Variants in RBFOX1 observed in about 807,000 individuals in gnomAD.
RBFOX1 encodes the protein RNA binding protein fox-1 homolog 1.
RBFOX1 carries 8 observed loss-of-function variants against 57.7 expected under a neutral mutation model. That is an observed-to-expected ratio of 0.14 (90% CI 0.08 to 0.25). The LOEUF is 0.25. Among genes scored for constraint, RBFOX1 ranks in the 10% least tolerant of loss-of-function variants. RBFOX1 has a pLI of 1.00. For synonymous variants in RBFOX1, 326 were observed against 222.4 expected, an observed-to-expected ratio of 1.47 and a Z score of -4.15; for missense variants, 611 against 548.5, an observed-to-expected ratio of 1.11 and a Z score of -1.14.
chr16:6,473,248 C>T (rs183207620), intron 2 of RBFOX1, among the ~76,000 whole-genome samples: 31 of 152,234 alleles, frequency 2.0e-4, no homozygotes, highest in African/African-American at 4.3e-4. Flanking sequence ...GATCACCCTC[C>T]GAGGCTTTTT....
At chr16:7,196,367 C>A (rs192270385) in intron 4 of RBFOX1, among the ~76,000 whole-genome samples, 1 of 152,130 alleles carries the variant, frequency 6.6e-6, no homozygotes, top group South Asian at 2.1e-4. Context: ...TGCTTCACTC[C>A]CCCTCTCCCC....
chr16:7,625,433 C>T (rs1446156340), intron 10 of RBFOX1, among the ~76,000 whole-genome samples: 3 of 152,138 alleles, frequency 2.0e-5, no homozygotes, highest in Non-Finnish European at 4.4e-5. Flanking sequence ...AAAATAATTT[C>T]TTAATAACTC....
intron 4 of RBFOX1, among the ~76,000 whole-genome samples, chr16:7,213,365 G>T (rs991929167): frequency 6.6e-6 from 1 of 152,176 alleles, no homozygotes; most frequent in Admixed American, 6.5e-5. Flanking sequence ...ACGGGACTCA[G>T]TGATCAGTAT....
chr16:7,115,433 T>C (rs1419571465), intron 4 of RBFOX1, among the ~76,000 whole-genome samples: 2 of 152,222 alleles, frequency 1.3e-5, no homozygotes, highest in Non-Finnish European at 2.9e-5. Context: ...TGCTATGTAA[T>C]TACCACCTCA....
intron 4 of RBFOX1, among the ~76,000 whole-genome samples, chr16:7,487,534 A>G (rs1300618934): frequency 6.6e-6 from 1 of 152,186 alleles, no homozygotes; most frequent in Non-Finnish European, 1.5e-5. Context: ...ACATTCCTTA[A>G]AGTGGGAATG....
intron 3 of RBFOX1, among the ~76,000 whole-genome samples, chr16:5,856,179 C>CTA (rs1404470500): frequency 1.9e-3 from 104 of 54,388 alleles, no homozygotes; most frequent in African/African-American, 5.1e-3. Flanking sequence ...CTCTCTCTCT[C>CTA]TCTCTCTCTA....
chr16:7,284,170 T>A (rs1004119710), intron 4 of RBFOX1, among the ~76,000 whole-genome samples: 1 of 152,256 alleles, frequency 6.6e-6, no homozygotes, highest in Non-Finnish European at 1.5e-5. Flanking sequence ...TATAGTTTAT[T>A]CACTAGTTGA....
chr16:5,599,285 G>C (rs1032485737), exon 3 of RBFOX1: 2 of 641,860 alleles, frequency 3.1e-6, no homozygotes, highest in African/African-American at 1.8e-5. Flanking sequence ...GCCCTGGTGT[G>C]ACGGCCCCAG....
At chr16:5,303,693 G>A (rs938762) in intron 1 of RBFOX1, among the ~76,000 whole-genome samples, 133,591 of 151,914 alleles carry the variant, frequency 0.88, 58,809 homozygotes, top group African/African-American at 0.9. Flanking sequence ...TTGAATTATT[G>A]TTCACTCCAT....
At chr16:5,664,767 A>C (rs1279479989) in intron 3 of RBFOX1, among the ~76,000 whole-genome samples, 1 of 152,078 alleles carries the variant, frequency 6.6e-6, no homozygotes, top group Admixed American at 6.6e-5. Context: ...GCTTTTTCCA[A>C]ATTCCTGGGA....
intron 3 of RBFOX1, among the ~76,000 whole-genome samples, chr16:7,020,645 G>A (rs558480962): frequency 1.3e-5 from 2 of 152,306 alleles, no homozygotes; most frequent in African/African-American, 4.8e-5. Flanking sequence ...TGATGAACTT[G>A]TATTAACAGA....
intron 13 of RBFOX1, among the ~76,000 whole-genome samples, chr16:7,666,693 A>C (rs576947757): frequency 1.7e-4 from 26 of 152,220 alleles, no homozygotes; most frequent in Admixed American, 4.6e-4. Context: ...TGCATCAGAG[A>C]ATCCACAGAG....
intron 3 of RBFOX1, among the ~76,000 whole-genome samples, chr16:6,829,208 A>G (rs1406368385): frequency 6.6e-6 from 1 of 151,566 alleles, no homozygotes. Context: ...TTGACCCAAA[A>G]GAAAAGCATT....
intron 3 of RBFOX1, among the ~76,000 whole-genome samples, chr16:6,717,505 G>A (rs2065061373): frequency 6.6e-6 from 1 of 151,984 alleles, no homozygotes; most frequent in East Asian, 1.9e-4. Flanking sequence ...AGGTTTAGAA[G>A]CAGAGATTTA....
intron 6 of RBFOX1, among the ~76,000 whole-genome samples, chr16:7,585,171 G>T (rs552982219): frequency 1.1e-3 from 162 of 152,268 alleles, no homozygotes; most frequent in African/African-American, 3.7e-3. Context: ...ATATTCAAGG[G>T]TGGTTGGTAT....
At chr16:7,236,447 G>T (rs1193109837) in intron 4 of RBFOX1, among the ~76,000 whole-genome samples, 1 of 152,106 alleles carries the variant, frequency 6.6e-6, no homozygotes, top group Admixed American at 6.5e-5. Context: ...CCTCTCCGCT[G>T]TCATGCAATC....
chr16:6,021,913 G>C (rs888491959), intron 1 of RBFOX1, among the ~76,000 whole-genome samples: 10 of 152,180 alleles, frequency 6.6e-5, no homozygotes, highest in African/African-American at 2.4e-4. Context: ...AATTCTATGA[G>C]TTTTGTTTCT....
At chr16:7,215,812 C>A (rs1354187719) in intron 4 of RBFOX1, among the ~76,000 whole-genome samples, 1 of 150,082 alleles carries the variant, frequency 6.7e-6, no homozygotes, top group Non-Finnish European at 1.5e-5. Flanking sequence ...GCAAGCTCTG[C>A]CTCTCGGGTT....
At chr16:6,089,539 C>G (rs532918295) in intron 1 of RBFOX1, among the ~76,000 whole-genome samples, 25 of 152,278 alleles carry the variant, frequency 1.6e-4, no homozygotes, top group African/African-American at 6.0e-4. Context: ...CTGTGGGAGA[C>G]TTTGAACAAC....
Sources: gnomAD v4.1 joint callset for allele counts (sites outside exome capture counted in the v4.1 genomes callset) on GRCh38, gnomAD v4.1.1 for gene constraint, MANE v1.5 for transcripts, NCBI Gene and HGNC (gene_info 2026-07-23, HGNC 2026-07-21) for gene names.